CEP192: variants seen among roughly 807,000 people sequenced by gnomAD.
CEP192 encodes centrosomal protein 192.
Under a neutral mutation model 271.8 loss-of-function variants are expected in CEP192, and 151 were observed. That is an observed-to-expected ratio of 0.56 (90% confidence interval 0.49 to 0.64). The LOEUF (loss-of-function observed/expected upper bound fraction) is 0.64. Ranked by LOEUF, CEP192 falls within the 30% of genes least tolerant of loss-of-function variation. The probability of loss-of-function intolerance (pLI) is 0.00; values close to 1 mark genes in which losing one functional copy is unlikely to be tolerated. For synonymous variants in CEP192, 995 were observed against 1,076.5 expected (o/e 0.92, Z 1.48); for missense variants, 2,910 against 3,020.5 (o/e 0.96, Z 0.86).
At chr18:13,072,977 GT>G (rs2038092265) in intron 29 of CEP192, 31 bp from the exon 30 acceptor site, 2 of 1,593,940 alleles carry the variant, frequency 1.3e-6, no homozygotes, top group Non-Finnish European at 1.7e-6. Flanking sequence ...CTACTGCTTT[GT>G]TTTATGCATT....
At chr18:13,079,891 G>A (rs1025146817) in intron 30 of CEP192, among the ~76,000 whole-genome samples, 1 of 152,116 alleles carries the variant, frequency 6.6e-6, no homozygotes, top group African/African-American at 2.4e-5. Context: ...TATTAAATAG[G>A]GAATCCTTTC....
At chr18:13,065,675 A>G (rs2037657283) in intron 21 of CEP192, among the ~76,000 whole-genome samples, 1 of 152,208 alleles carries the variant, frequency 6.6e-6, no homozygotes, top group African/African-American at 2.4e-5. Flanking sequence ...GGGAGGCTTT[A>G]CAAGTTATAT....
In CEP192 at chr18:13,071,034, C is replaced by G. The variant is rs766763401; in HGVS notation, c.5175-5C>G. 1.2e-6 allele frequency: 2 copies of G among 1,610,508 alleles called. No individual in the cohort carries two copies. The highest frequency in any genetic ancestry group is 8.5e-7 in the Non-Finnish European group (1 of 1,177,822). ...ACCTTCAACTTAGAATTCTTTCTTT[C>G]TTAGGATCTTGAAAATATTTGTGCA... On this transcript the variant is annotated splice_region_variant and splice_polypyrimidine_tract_variant and intron_variant, in intron 27 of 44. Transcript: ENST00000506447.
At chr18:13,046,687 A>G (rs1454963366) in intron 15 of CEP192, among the ~76,000 whole-genome samples, 1 of 151,930 alleles carries the variant, frequency 6.6e-6, no homozygotes, top group African/African-American at 2.4e-5. Context: ...AAAATACTCA[A>G]TTTACTCCAT....
chr18:13,026,142 G>T (rs1256620592), intron 9 of CEP192, among the ~76,000 whole-genome samples: 1 of 152,184 alleles, frequency 6.6e-6, no homozygotes, highest in African/African-American at 2.4e-5. Flanking sequence ...ATTAGAAATT[G>T]ATGGTTTCTT....
At chr18:13,103,478 G>A (rs1488583970) in intron 38 of CEP192, 31 bp from the exon 39 acceptor site, 3 of 1,576,908 alleles carry the variant, frequency 1.9e-6, no homozygotes, top group Non-Finnish European at 1.7e-6. Flanking sequence ...GTCTCTCCGA[G>A]TTTGAGTTAT....
At chr18:13,098,831 C>T (rs922149858) in intron 36 of CEP192, among the ~76,000 whole-genome samples, 4 of 152,178 alleles carry the variant, frequency 2.6e-5, no homozygotes, top group Admixed American at 1.3e-4. Flanking sequence ...AGGCAGGCGG[C>T]TGGGAGGTGG....
intron 40 of CEP192, among the ~76,000 whole-genome samples, chr18:13,110,655 C>T (rs953456412): frequency 6.6e-6 from 1 of 152,102 alleles, no homozygotes; most frequent in African/African-American, 2.4e-5. Flanking sequence ...CAAAGTCACA[C>T]GATAGGCCAT....
intron 44 of CEP192, 92 bp from the exon 45 acceptor site, chr18:13,124,540 T>C (rs1484347228): frequency 7.8e-7 from 1 of 1,281,132 alleles, no homozygotes; most frequent in Non-Finnish European, 1.0e-6. Context: ...CCGAGCTCTT[T>C]CCTCAACACC....
intron 30 of CEP192, among the ~76,000 whole-genome samples, chr18:13,086,186 C>T (rs1568394881): frequency 6.6e-6 from 1 of 152,084 alleles, no homozygotes; most frequent in Non-Finnish European, 1.5e-5. Context: ...CCCTGTTTGT[C>T]TATTATTGGT....
At position 13,064,873 on chromosome 18, in the gene CEP192, A is replaced by G. The variant is rs1033709382; in HGVS notation, c.4489-2958A>G. Among the ~76,000 whole-genome samples, 4 of 152,228 alleles carry G rather than the reference A, an allele frequency of 2.6e-5. No individual in the cohort carries two copies. The East Asian group carries it at 7.7e-4, about 29-fold the overall frequency. ...TGTTTTTCTATTTCTGTGAGGTAGTATGGACGTTTTAACAATGTTGATTGT... is the reference window on the plus strand; with the variant it reads ...TGTTTTTCTATTTCTGTGAGGTAGTGTGGACGTTTTAACAATGTTGATTGT... On this transcript the variant is annotated intron_variant, in intron 21 of 44. Transcript: ENST00000506447.
intron 35 of CEP192, 121 bp downstream of exon 35, chr18:13,095,802 C>G (rs2039369975): frequency 1.2e-6 from 1 of 864,944 alleles, no homozygotes; most frequent in Admixed American, 2.9e-5. Flanking sequence ...GTGACTTGCC[C>G]AGGCCCTGCT....
At chr18:13,062,338 C>T (rs1417312233) in intron 21 of CEP192, among the ~76,000 whole-genome samples, 1 of 152,192 alleles carries the variant, frequency 6.6e-6, no homozygotes, top group African/African-American at 2.4e-5. Context: ...ATAGAGGCCA[C>T]ATGCATAGAA....
chr18:12,998,267 C>T (rs1371729597), intron 1 of CEP192, among the ~76,000 whole-genome samples: 3 of 152,148 alleles, frequency 2.0e-5, no homozygotes, highest in Non-Finnish European at 2.9e-5. Flanking sequence ...TCCAACACAC[C>T]GTTTCAGACT....
In CEP192 at chr18:13,015,436, G is replaced by A; in HGVS notation, c.628G>A (p.Glu210Lys). 1.3e-6 allele frequency: 2 copies of A among 1,551,268 alleles called. No homozygotes were observed. The highest frequency in any genetic ancestry group is 2.4e-5 in the East Asian group (1 of 40,906). ...NEKLILPTSL[E>K]DSSDDDIDDE... The stretch of plus-strand genomic sequence containing the variant: ...GAAACTTATCTTACCGACAAGCTTG[G>A]AAGATTCTTCTGGTACTGCAGAGTA... Residue 210 changes from glutamate (E) to lysine (K), a missense_variant, in exon 6 of 45, where the codon GAA becomes AAA. Glu to Lys is a moderately conservative substitution (Grantham distance 56). Coordinates refer to ENST00000506447, the MANE Select transcript of CEP192 (RefSeq NM_032142.4).
At chr18:13,046,062 G>A (rs1598439167) in intron 15 of CEP192, among the ~76,000 whole-genome samples, 1 of 152,168 alleles carries the variant, frequency 6.6e-6, no homozygotes, top group Non-Finnish European at 1.5e-5. Flanking sequence ...AAGAAAAGAG[G>A]TTTAACGGGC....
chr18:13,121,095 C>T (rs917533224), intron 44 of CEP192, among the ~76,000 whole-genome samples: 1 of 152,142 alleles, frequency 6.6e-6, no homozygotes, highest in African/African-American at 2.4e-5. Flanking sequence ...GTCCCAGACA[C>T]GAGACACTGT....
In CEP192 at chr18:13,030,582, A is replaced by T. The variant is rs2035561738; in HGVS notation, c.1508A>T (p.Glu503Val). ...KQNLNVSLSD[E>V]MNEDFRSGSE... ...AATTTAAATGTGTCTCTAAGTGATG[A>T]GATGAATGAAGACTTCAGATCTGGT... The change falls in exon 11 of 45, where the codon GAG (glutamate) becomes GTG (valine). Residue 503 changes from glutamate to valine, a missense_variant. Transcript: ENST00000506447. The T allele has an allele frequency of 6.2e-7, 1 of 1,610,158 alleles. No individual in the cohort carries two copies. Among genetic ancestry groups the T allele is most frequent in the East Asian group, 2.2e-5 (1 of 44,832 alleles).
intron 33 of CEP192, 105 bp downstream of exon 33, chr18:13,089,670 G>A (rs1024348955): frequency 3.4e-6 from 2 of 593,864 alleles, no homozygotes; most frequent in African/African-American, 3.8e-5. Context: ...TTTAGATGCA[G>A]TGTCAGGCAG....
Sources: allele counts gnomAD v4.1 joint callset (sites outside exome capture counted in the v4.1 genomes callset), GRCh38; gene constraint gnomAD v4.1.1; transcripts MANE v1.5; gene names NCBI Gene and HGNC (gene_info 2026-07-23, HGNC 2026-07-21).